The following ABCC4 variants were observed in gnomAD, a reference collection of about 807,000 sequenced individuals.
ABCC4 encodes the protein ATP-binding cassette sub-family C member 4.
In ABCC4, 102 loss-of-function variants were observed where a neutral mutation model predicts 168.5. That is an observed-to-expected ratio of 0.61 (90% confidence interval 0.52 to 0.71). The LOEUF (loss-of-function observed/expected upper bound fraction) is 0.71, where lower values mean the gene tolerates loss of function less well. Ranked by LOEUF, ABCC4 falls within the 30% of genes least tolerant of loss-of-function variation. The probability of loss-of-function intolerance (pLI) is 0.00; values close to 1 mark genes in which losing one functional copy is unlikely to be tolerated. For synonymous variants in ABCC4, 617 were observed against 590.7 expected, an observed-to-expected ratio of 1.04 and a Z score of -0.65; for missense variants, 1,402 against 1,605.8, an observed-to-expected ratio of 0.87 and a Z score of 2.17.
chr13:95,034,537 T>C (rs2139222574), intron 30 of ABCC4, 68 bp downstream of exon 30: 2 of 1,557,588 alleles, frequency 1.3e-6, no homozygotes, highest in South Asian at 2.4e-5. Context: ...ACCATACCCA[T>C]GGTGCCAAAT....
chr13:95,042,219 T>C (rs964263073), intron 29 of ABCC4, among the ~76,000 whole-genome samples: 1 of 152,208 alleles, frequency 6.6e-6, no homozygotes, highest in African/African-American at 2.4e-5. Flanking sequence ...TTCATCCAGA[T>C]AGTCAGGTCC....
At chr13:95,164,585 A>G in intron 15 of ABCC4, 67 bp from the exon 16 acceptor site, 1 of 1,549,246 alleles carries the variant, frequency 6.5e-7, no homozygotes, top group South Asian at 1.2e-5. Context: ...ATGACAATGC[A>G]CTCTGTTGAC....
At chr13:95,130,713 A>G (rs1268527636) in intron 19 of ABCC4, among the ~76,000 whole-genome samples, 1 of 152,158 alleles carries the variant, frequency 6.6e-6, no homozygotes, top group Non-Finnish European at 1.5e-5. Context: ...CTTCAAGGAA[A>G]TGGTGAGTTT....
chr13:95,167,904 T>G (rs2037337202), intron 14 of ABCC4, among the ~76,000 whole-genome samples: 2 of 152,172 alleles, frequency 1.3e-5, no homozygotes, highest in Non-Finnish European at 2.9e-5. Context: ...TCTCAGTCTG[T>G]TGCCCAGGCT....
intron 4 of ABCC4, among the ~76,000 whole-genome samples, chr13:95,211,971 G>C (rs971478004): frequency 6.6e-6 from 1 of 152,068 alleles, no homozygotes; most frequent in Non-Finnish European, 1.5e-5. Context: ...GAGGTCAGGA[G>C]TTCGAGATCA....
At chr13:95,276,973 C>T (rs1255314934) in intron 1 of ABCC4, among the ~76,000 whole-genome samples, 1 of 152,008 alleles carries the variant, frequency 6.6e-6, no homozygotes, top group Admixed American at 6.6e-5. Context: ...TAGCCGAAGT[C>T]GCACCACTGC....
chr13:95,245,314 C>T (rs2138799536), intron 3 of ABCC4, among the ~76,000 whole-genome samples: 1 of 152,328 alleles, frequency 6.6e-6, no homozygotes, highest in African/African-American at 2.4e-5. Context: ...GCCATTGATT[C>T]CCACTACACC....
intron 19 of ABCC4, among the ~76,000 whole-genome samples, chr13:95,148,591 A>AACACACACAC (rs55998383): frequency 2.9e-3 from 382 of 129,786 alleles, no homozygotes; most frequent in Middle Eastern, 0.019. Context: ...TACCCATCAC[A>AACACACACAC]ACACACACAC....
chr13:95,121,331 T>C (rs2035562671), intron 19 of ABCC4, among the ~76,000 whole-genome samples: 1 of 152,126 alleles, frequency 6.6e-6, no homozygotes, highest in Non-Finnish European at 1.5e-5. Flanking sequence ...CTCACATGGG[T>C]GAGACATTCT....
At chr13:95,251,678 T>G (rs936179796) in intron 1 of ABCC4, among the ~76,000 whole-genome samples, 1 of 152,178 alleles carries the variant, frequency 6.6e-6, no homozygotes, top group African/African-American at 2.4e-5. Context: ...AAGGCAGGTT[T>G]GTGCTCAGAC....
intron 20 of ABCC4, among the ~76,000 whole-genome samples, chr13:95,109,033 G>C (rs534264967): frequency 3.4e-4 from 51 of 152,134 alleles, no homozygotes; most frequent in African/African-American, 1.1e-3. Flanking sequence ...ATGTTTATTG[G>C]TCTGTTTATT....
intron 20 of ABCC4, chr13:95,095,969 A>G (rs2034582897): frequency 7.6e-6 from 3 of 394,956 alleles, no homozygotes; most frequent in East Asian, 3.6e-5. Flanking sequence ...ATGATATTTA[A>G]TTGGTCAATA....
chr13:95,249,802 A>C (rs995911827), intron 1 of ABCC4, among the ~76,000 whole-genome samples: 11 of 152,212 alleles, frequency 7.2e-5, no homozygotes, highest in African/African-American at 1.7e-4. Context: ...ATCAGGGAAT[A>C]AAACTGGCTC....
intron 4 of ABCC4, among the ~76,000 whole-genome samples, chr13:95,221,346 A>G (rs1038406758): frequency 1.3e-5 from 2 of 152,170 alleles, no homozygotes; most frequent in Non-Finnish European, 2.9e-5. Flanking sequence ...CTCCCACCTC[A>G]GCCTCCCAAG....
At chr13:95,262,993 T>G (rs367781600) in intron 1 of ABCC4, among the ~76,000 whole-genome samples, 1 of 152,190 alleles carries the variant, frequency 6.6e-6, no homozygotes, top group Non-Finnish European at 1.5e-5. Flanking sequence ...TCTTGTGGGC[T>G]GTTCAGTACC....
intron 14 of ABCC4, among the ~76,000 whole-genome samples, chr13:95,167,177 C>CATAA (rs57260755): frequency 0.19 from 27,121 of 143,084 alleles, 2,814 homozygotes; most frequent in Middle Eastern, 0.22. Flanking sequence ...AACTCCATCT[C>CATAA]ATAAATAAAT....
intron 30 of ABCC4, among the ~76,000 whole-genome samples, chr13:95,034,352 C>T (rs984436839): frequency 3.3e-5 from 5 of 152,202 alleles, no homozygotes; most frequent in Admixed American, 6.5e-5. Context: ...AACACCTCTC[C>T]GCTTCTTGGG....
At chr13:95,296,769 G>C (rs562790037) in intron 1 of ABCC4, among the ~76,000 whole-genome samples, 1 of 152,186 alleles carries the variant, frequency 6.6e-6, no homozygotes, top group Admixed American at 6.6e-5. Context: ...ATTCCTAGGA[G>C]AGTCTCAGGG....
At chr13:95,211,231 T>C (rs891553717) in intron 4 of ABCC4, among the ~76,000 whole-genome samples, 1 of 152,162 alleles carries the variant, frequency 6.6e-6, no homozygotes, top group East Asian at 1.9e-4. Context: ...ATCACAGGGT[T>C]TCAATGTGTT....
Sources: gnomAD v4.1 joint callset for allele counts (sites outside exome capture counted in the v4.1 genomes callset) on GRCh38, gnomAD v4.1.1 for gene constraint, MANE v1.5 for transcripts, NCBI Gene and HGNC (gene_info 2026-07-23, HGNC 2026-07-21) for gene names.